BATF: variants seen among roughly 807,000 people sequenced by gnomAD.
BATF encodes basic leucine zipper ATF-like transcription factor.
In BATF, 5 loss-of-function variants were observed where a neutral mutation model predicts 13.7. That is an observed-to-expected ratio of 0.36 (90% confidence interval 0.19 to 0.77). The LOEUF (loss-of-function observed/expected upper bound fraction) is 0.77, where lower values mean the gene tolerates loss of function less well. BATF is among the 30% of genes least tolerant of loss of function. The pLI is 0.51. For synonymous variants in BATF, 72 were observed against 67.5 expected (o/e 1.07, Z -0.33); for missense variants, 124 against 163.0 (o/e 0.76, Z 1.30).
At chr14:75,541,809 A>G (rs1363101260) in intron 2 of BATF, among the ~76,000 whole-genome samples, 1 of 152,158 alleles carries the variant, frequency 6.6e-6, no homozygotes, top group Non-Finnish European at 1.5e-5. Flanking sequence ...GACTACAGGC[A>G]TGCGCCACCA....
chr14:75,546,376 C>G, intron 2 of BATF, 86 bp from the exon 3 acceptor site: 5 of 1,364,776 alleles, frequency 3.7e-6, no homozygotes, highest in Non-Finnish European at 5.1e-6. Context: ...AACAACTAAT[C>G]TGGCCCCTCC....
At chr14:75,540,254 G>A (rs1887877279) in intron 2 of BATF, among the ~76,000 whole-genome samples, 2 of 152,162 alleles carry the variant, frequency 1.3e-5, no homozygotes, top group South Asian at 2.1e-4. Context: ...CCCGGCGGGT[G>A]AGGGAACTGC....
intron 2 of BATF, among the ~76,000 whole-genome samples, chr14:75,527,372 CT>C (rs1479137390): frequency 6.6e-6 from 1 of 152,132 alleles, no homozygotes; most frequent in Non-Finnish European, 1.5e-5. Flanking sequence ...ATGCTTCAGA[CT>C]TCTCTGCAAC....
chr14:75,542,490 A>G (rs1887911178), intron 2 of BATF, among the ~76,000 whole-genome samples: 1 of 152,192 alleles, frequency 6.6e-6, no homozygotes, highest in Non-Finnish European at 1.5e-5. Flanking sequence ...GTACCTCTGG[A>G]TAAACAGCTG....
intron 2 of BATF, among the ~76,000 whole-genome samples, chr14:75,546,179 T>C (rs1887982623): frequency 6.6e-6 from 1 of 152,172 alleles, no homozygotes; most frequent in African/African-American, 2.4e-5. Flanking sequence ...GCTATTCTTA[T>C]AGGTCACAAC....
At chr14:75,537,746 G>T (rs1358230528) in intron 2 of BATF, among the ~76,000 whole-genome samples, 1 of 151,764 alleles carries the variant, frequency 6.6e-6, no homozygotes, top group Non-Finnish European at 1.5e-5. Context: ...TTTTTAACTA[G>T]AAATAGTCTC....
chr14:75,531,838 A>G (rs1317630071), intron 2 of BATF, among the ~76,000 whole-genome samples: 2 of 152,182 alleles, frequency 1.3e-5, no homozygotes, highest in African/African-American at 4.8e-5. Flanking sequence ...CACTCCTGGA[A>G]TTCTTTTGCT....
intron 2 of BATF, among the ~76,000 whole-genome samples, chr14:75,532,713 TA>T (rs150800854): frequency 6.6e-6 from 1 of 152,122 alleles, no homozygotes; most frequent in Admixed American, 6.5e-5. Context: ...ATTCATACAA[TA>T]AAAAAATTTA....
At position 75,546,628 on chromosome 14, in the gene BATF, C is replaced by T; in HGVS notation, c.335C>T (p.Ala112Val). ...CCCGAGGTGGTGTACAGCGCCCACGCATTCCACCAACCTCATGTCAGCTCC... is the reference window on the plus strand; with the variant it reads ...CCCGAGGTGGTGTACAGCGCCCACGTATTCCACCAACCTCATGTCAGCTCC... Reference protein sequence around the residue: ...SPPEVVYSAHAFHQPHVSSPR... With the variant: ...SPPEVVYSAHVFHQPHVSSPR... Residue 112 changes from alanine (A) to valine (V), a missense_variant, in exon 3 of 3, where the codon GCA (alanine) becomes GTA (valine). This residue lies in a region of BATF where 59 missense variants were observed against 49.7 expected (regional missense o/e 1.19). Coordinates refer to ENST00000286639, the MANE Select transcript of BATF (RefSeq NM_006399.5). The T allele has an allele frequency of 2.5e-6, 4 of 1,612,892 alleles. No individual in the cohort carries two copies. The South Asian group carries it at 3.3e-5, about 13-fold the overall frequency.
At chr14:75,546,313 A>G (rs941130388) in intron 2 of BATF, 149 bp from the exon 3 acceptor site, 11 of 751,924 alleles carry the variant, frequency 1.5e-5, no homozygotes, top group Non-Finnish European at 2.2e-5. Flanking sequence ...TTGTGCACAC[A>G]TTCACACGTG....
At chr14:75,523,304 C>T (rs1225865656) in intron 1 of BATF, among the ~76,000 whole-genome samples, 2 of 152,000 alleles carry the variant, frequency 1.3e-5, no homozygotes, top group Non-Finnish European at 2.9e-5. Context: ...GGGGCACTGC[C>T]TCTGTTGCTA....
chr14:75,526,873 C>T (rs549326616), intron 2 of BATF, among the ~76,000 whole-genome samples: 2 of 152,310 alleles, frequency 1.3e-5, no homozygotes, highest in East Asian at 3.9e-4. Context: ...GGCAAGCAAA[C>T]AGACCAATCA....
At position 75,542,256 on chromosome 14, in the gene BATF, A is replaced by G. The variant is rs1887907513; in HGVS notation, c.169-4206A>G. 2.6e-5 allele frequency among the ~76,000 whole-genome samples: 4 copies of G among 152,202 alleles called. No homozygotes were observed. In the South Asian group the frequency reaches 8.3e-4, roughly 32 times the overall value. ...TGTCCTCATCTGTAGAGTGGGGATA[A>G]TAACAGCTGACCTTCCCTATCCCAC... is the stretch of plus-strand genomic sequence containing the variant. On this transcript the variant is annotated intron_variant, in intron 2 of 2. Coordinates refer to ENST00000286639, the MANE Select transcript of BATF (RefSeq NM_006399.5).
chr14:75,538,295 T>C (rs1408593133), intron 2 of BATF, among the ~76,000 whole-genome samples: 2 of 152,186 alleles, frequency 1.3e-5, no homozygotes, highest in Non-Finnish European at 2.9e-5. Flanking sequence ...AACATGATTT[T>C]TTGCCCATTT....
chr14:75,525,940 T>C lies in BATF; in HGVS notation c.168+752T>C, dbSNP rs558391689. ...GTACCAGATTCCTCTTTTCAGAGCA[T>C]TATTAAAGTCTTATTTTGAAATTTC... On this transcript the variant is annotated intron_variant, in intron 2 of 2. Coordinates refer to ENST00000286639, the MANE Select transcript of BATF (RefSeq NM_006399.5). Among the ~76,000 whole-genome samples, 50 of 152,306 alleles carry C rather than the reference T, an allele frequency of 3.3e-4. No individual in the cohort carries two copies. The South Asian group carries it at 0.01, about 32-fold the overall frequency.
chr14:75,534,336 T>G (rs1017041808), intron 2 of BATF, among the ~76,000 whole-genome samples: 1 of 152,206 alleles, frequency 6.6e-6, no homozygotes, highest in Non-Finnish European at 1.5e-5. Flanking sequence ...TAATTTCCTA[T>G]TCTGATTATG....
At chr14:75,533,464 C>T (rs901088295) in intron 2 of BATF, among the ~76,000 whole-genome samples, 5 of 150,790 alleles carry the variant, frequency 3.3e-5, no homozygotes, top group Admixed American at 2.6e-4. Context: ...TGTCTGTCTA[C>T]ATAGGATGAT....
intron 2 of BATF, among the ~76,000 whole-genome samples, chr14:75,542,709 G>C (rs566677413): frequency 6.6e-6 from 1 of 152,264 alleles, no homozygotes. Context: ...TGGCAGGGCA[G>C]GTTTCTTGGG....
intron 2 of BATF, among the ~76,000 whole-genome samples, chr14:75,528,924 G>A (rs1240416344): frequency 3.3e-5 from 5 of 152,080 alleles, no homozygotes; most frequent in Non-Finnish European, 5.9e-5. Context: ...TGGAAGGAAG[G>A]AATAATTTAA....
Sources: allele counts gnomAD v4.1 joint callset (sites outside exome capture counted in the v4.1 genomes callset), GRCh38; gene constraint gnomAD v4.1.1; regional missense constraint gnomAD v4.1.1; transcripts MANE v1.5; gene names NCBI Gene and HGNC (gene_info 2026-07-23, HGNC 2026-07-21).